DYNC1I1: variants seen among roughly 807,000 people sequenced by gnomAD.
DYNC1I1 encodes dynein cytoplasmic 1 intermediate chain 1, also known as cytoplasmic dynein 1 intermediate chain 1.
In DYNC1I1, 43 loss-of-function variants were observed where a neutral mutation model predicts 86.6. That is an observed-to-expected ratio of 0.50 (90% CI 0.39 to 0.64). The LOEUF (loss-of-function observed/expected upper bound fraction) is 0.64. Among genes scored for constraint, DYNC1I1 ranks in the 30% least tolerant of loss-of-function variants. DYNC1I1 has a pLI of 0.00. For synonymous variants in DYNC1I1, 262 were observed against 283.7 expected, an observed-to-expected ratio of 0.92 and a Z score of 0.77; for missense variants, 604 against 788.8, an observed-to-expected ratio of 0.77 and a Z score of 2.81.
chr7:95,991,060 A>C (rs898998789), intron 9 of DYNC1I1, among the ~76,000 whole-genome samples: 1 of 147,102 alleles, frequency 6.8e-6, no homozygotes, highest in Non-Finnish European at 1.5e-5. Context: ...AAAATAAAAT[A>C]AAAATAAAGG....
chr7:96,037,653 A>G (rs1251014924), intron 13 of DYNC1I1, among the ~76,000 whole-genome samples: 2 of 152,190 alleles, frequency 1.3e-5, no homozygotes, highest in Non-Finnish European at 2.9e-5. Context: ...TTTCATTGCT[A>G]TAAAGTGAAT....
chr7:95,906,778 A>C (rs1419968908), intron 6 of DYNC1I1, among the ~76,000 whole-genome samples: 1 of 152,054 alleles, frequency 6.6e-6, no homozygotes, highest in Non-Finnish European at 1.5e-5. Flanking sequence ...AACCTGAAAA[A>C]CTACAGTCTA....
chr7:95,981,720 A>G (rs1200734857), intron 7 of DYNC1I1, among the ~76,000 whole-genome samples: 2 of 152,230 alleles, frequency 1.3e-5, no homozygotes, highest in East Asian at 1.9e-4. Context: ...TGTTGTGAAA[A>G]CAAAGAAAAA....
At chr7:95,779,047 T>G (rs1302227610) in intron 1 of DYNC1I1, among the ~76,000 whole-genome samples, 1 of 152,140 alleles carries the variant, frequency 6.6e-6, no homozygotes, top group African/African-American at 2.4e-5. Context: ...GAGACATTTT[T>G]TATTATCTCA....
intron 14 of DYNC1I1, among the ~76,000 whole-genome samples, chr7:96,053,991 T>C (rs1030329988): frequency 1.4e-4 from 21 of 152,224 alleles, no homozygotes; most frequent in African/African-American, 4.8e-4. Context: ...TCTTTTTTTA[T>C]TATACTTCTG....
chr7:95,942,616 A>T (rs1197719395), intron 6 of DYNC1I1, among the ~76,000 whole-genome samples: 1 of 152,156 alleles, frequency 6.6e-6, no homozygotes, highest in South Asian at 2.1e-4. Flanking sequence ...TGATGCAAAA[A>T]TCCTCAATAA....
At chr7:96,068,818 A>G (rs1295622065) in intron 14 of DYNC1I1, among the ~76,000 whole-genome samples, 2 of 149,644 alleles carry the variant, frequency 1.3e-5, no homozygotes, top group East Asian at 3.9e-4. Context: ...TATTTAATTT[A>G]TTTATATATA....
intron 5 of DYNC1I1, among the ~76,000 whole-genome samples, chr7:95,865,862 C>T (rs955916946): frequency 2.6e-5 from 4 of 152,126 alleles, no homozygotes; most frequent in Non-Finnish European, 5.9e-5. Flanking sequence ...ACAAAGTTGC[C>T]TAACATGCAA....
intron 10 of DYNC1I1, among the ~76,000 whole-genome samples, chr7:96,023,527 C>T (rs778844012): frequency 3.3e-5 from 5 of 152,162 alleles, no homozygotes; most frequent in Non-Finnish European, 7.4e-5. Flanking sequence ...AAAACAGCCT[C>T]CACAGCCACT....
intron 6 of DYNC1I1, among the ~76,000 whole-genome samples, chr7:95,952,904 C>T (rs1792597649): frequency 6.6e-6 from 1 of 151,866 alleles, no homozygotes; most frequent in African/African-American, 2.4e-5. Context: ...GACTGATCAC[C>T]TCAGACCTTC....
chr7:96,093,828 T>C (rs1436712445), intron 16 of DYNC1I1, among the ~76,000 whole-genome samples: 1 of 152,200 alleles, frequency 6.6e-6, no homozygotes, highest in Admixed American at 6.5e-5. Flanking sequence ...AAATAACTTA[T>C]GATCTTTTTT....
chr7:95,858,687 T>C (rs916822613), intron 5 of DYNC1I1, among the ~76,000 whole-genome samples: 7 of 151,810 alleles, frequency 4.6e-5, no homozygotes, highest in Admixed American at 2.0e-4. Flanking sequence ...AATAATCTTA[T>C]GGGGCCACCA....
At chr7:95,923,547 G>A (rs1421109696) in intron 6 of DYNC1I1, among the ~76,000 whole-genome samples, 1 of 152,024 alleles carries the variant, frequency 6.6e-6, no homozygotes, top group African/African-American at 2.4e-5. Context: ...TAAATGTAAG[G>A]TACTATCCAC....
intron 6 of DYNC1I1, among the ~76,000 whole-genome samples, chr7:95,927,665 A>T (rs891601669): frequency 1.3e-5 from 2 of 152,112 alleles, no homozygotes; most frequent in Non-Finnish European, 2.9e-5. Flanking sequence ...CATTAACAAT[A>T]GTTGAGTGTG....
At chr7:95,977,027 T>C (rs1793322434) in intron 6 of DYNC1I1, among the ~76,000 whole-genome samples, 1 of 152,236 alleles carries the variant, frequency 6.6e-6, no homozygotes, top group South Asian at 2.1e-4. Context: ...GTTGTTTACT[T>C]GCCAATGGCA....
chr7:95,784,120 G>A (rs560667946), intron 1 of DYNC1I1, among the ~76,000 whole-genome samples: 1 of 152,200 alleles, frequency 6.6e-6, no homozygotes, highest in South Asian at 2.1e-4. Context: ...AGGATCGTGG[G>A]AGTGTTTCAG....
chr7:95,918,924 A>G (rs1455341664), intron 6 of DYNC1I1, among the ~76,000 whole-genome samples: 1 of 152,168 alleles, frequency 6.6e-6, no homozygotes, highest in African/African-American at 2.4e-5. Flanking sequence ...CAGAACTTAA[A>G]TCTTGTGAGA....
At chr7:95,868,233 A>AG (rs1479536702) in intron 5 of DYNC1I1, among the ~76,000 whole-genome samples, 1 of 152,198 alleles carries the variant, frequency 6.6e-6, no homozygotes, top group Non-Finnish European at 1.5e-5. Context: ...ACAGCCAGCG[A>AG]GGCTTGTCCT....
At chr7:95,927,383 G>A (rs73393035) in intron 6 of DYNC1I1, among the ~76,000 whole-genome samples, 30,142 of 152,064 alleles carry the variant, frequency 0.2, 3,216 homozygotes, top group African/African-American at 0.25. Context: ...TAAGGGCTAC[G>A]GGAGCGTCAC....
Sources: gnomAD v4.1 joint callset for allele counts (sites outside exome capture counted in the v4.1 genomes callset) on GRCh38, gnomAD v4.1.1 for gene constraint, MANE v1.5 for transcripts, NCBI Gene and HGNC (gene_info 2026-07-23, HGNC 2026-07-21) for gene names.